The following PLCE1 variants were observed in gnomAD, a reference collection of about 807,000 sequenced individuals.
The protein encoded by PLCE1 is 1-phosphatidylinositol 4,5-bisphosphate phosphodiesterase epsilon-1.
A neutral mutation model predicts 242.8 loss-of-function variants in PLCE1; 119 were observed. The observed-to-expected ratio is 0.49, with a 90% CI of 0.42 to 0.57. PLCE1 has a LOEUF of 0.57. PLCE1 is among the 20% of genes least tolerant of loss of function. The pLI is 0.00. For synonymous variants in PLCE1, 945 were observed against 1,017.4 expected (o/e 0.93, Z 1.35); for missense variants, 2,441 against 2,788.8 (o/e 0.88, Z 2.81).
Position 94,118,138 on chromosome 10 carries a change from T to C in PLCE1, c.1207-14036T>C, listed in dbSNP as rs150564528. Among the ~76,000 whole-genome samples the C allele has an allele frequency of 9.7e-4, 147 of 152,252 alleles. No individual in the cohort carries two copies. In the Middle Eastern group the frequency reaches 0.01, roughly 11 times the overall value. On this transcript the variant is annotated intron_variant, in intron 2 of 32. Coordinates refer to ENST00000371380, the MANE Select transcript of PLCE1 (RefSeq NM_016341.4). Reference sequence around the variant, plus strand: ...TTGTTAACTTTAAAAGAAGTTACAATTTTTTTAAACTTAAGTTTTTAACCT... The same window carrying C: ...TTGTTAACTTTAAAAGAAGTTACAACTTTTTTAAACTTAAGTTTTTAACCT...
At chr10:94,322,883 GA>G (rs2053871911) in intron 30 of PLCE1, among the ~76,000 whole-genome samples, 1 of 152,152 alleles carries the variant, frequency 6.6e-6, no homozygotes, top group Non-Finnish European at 1.5e-5. Flanking sequence ...TTGAGCCTGG[GA>G]GGCAGAGGTT....
intron 2 of PLCE1, chr10:94,108,739 C>T (rs1483453605): frequency 6.6e-6 from 1 of 152,302 alleles, no homozygotes; most frequent in East Asian, 1.9e-4. Context: ...CCAGTAATCC[C>T]CAACCCTGAC....
At chr10:94,283,485 A>G (rs2052322991) in intron 20 of PLCE1, 1 of 344,064 alleles carries the variant, frequency 2.9e-6, no homozygotes, top group African/African-American at 2.1e-5. Flanking sequence ...AGTTCCAATC[A>G]TCTGTATGAA....
Position 94,259,074 on chromosome 10 carries a change from A to G in PLCE1, c.3738A>G (p.Arg1246=), listed in dbSNP as rs774389849. ...ATGTCTATGCAGTGCCCTGCAACCG[A>G]TCTGGCTCCGAGTCAGCCCCACTCT... ...LFDVYAVPCN[R]SGSESAPLYT... is the part of the protein sequence containing the mutation. Residue 1246 remains arginine, a synonymous_variant, in exon 13 of 33, where the codon CGA becomes CGG. Transcript: ENST00000371380. 1.2e-5 allele frequency: 20 copies of G among 1,613,882 alleles called. No homozygotes were observed. Among genetic ancestry groups the G allele is most frequent in the Admixed American group, 1.2e-4 (7 of 59,978 alleles).
chr10:94,045,965 TAAA>T (rs59988453), intron 2 of PLCE1, among the ~76,000 whole-genome samples: 2 of 149,090 alleles, frequency 1.3e-5, no homozygotes. Context: ...CCAGGCGTGG[TAAA>T]AAAAAAAAAA....
chr10:94,095,324 CTT>C (rs2045265831), intron 2 of PLCE1, among the ~76,000 whole-genome samples: 1 of 117,750 alleles, frequency 8.5e-6, no homozygotes, highest in South Asian at 2.5e-4. Flanking sequence ...CTTTCAATTT[CTT>C]TCTTTCTTTC....
Position 94,285,297 on chromosome 10 carries a change from C to T in PLCE1, c.5035+332C>T, listed in dbSNP as rs10882416. On this transcript the variant is annotated intron_variant, in intron 22 of 32. Transcript: ENST00000371380. ...GCTATTTTACGTACATCTCCTTTAC[C>T]GTTCATAATGATTCTACAAGGTAGG... Among the ~76,000 whole-genome samples the T allele has an allele frequency of 0.31, 47,803 of 151,838 alleles. 7,832 individuals are homozygous for T. Among genetic ancestry groups the T allele is most frequent in the Middle Eastern group, 0.48 (141 of 292 alleles).
chr10:94,184,361 C>T (rs2689696), intron 4 of PLCE1, among the ~76,000 whole-genome samples: 152,176 of 152,356 alleles, frequency 1, 75,998 homozygotes, highest in Non-Finnish European at 1. Flanking sequence ...GGAGTTTTGC[C>T]CTTGTTGCCC....
intron 4 of PLCE1, among the ~76,000 whole-genome samples, chr10:94,179,460 C>T (rs1174637698): frequency 6.6e-6 from 1 of 151,596 alleles, no homozygotes; most frequent in Non-Finnish European, 1.5e-5. Context: ...GCTGTGCAAC[C>T]TCAAGCCAGA....
rs567470831 is a variant in PLCE1, at chr10:94,316,529, C to T, written c.6133-18C>T. Reference sequence around the variant, plus strand: ...AGTTTTTGCCTCACTCCTCAGTTTGCCTTCACTTTTTCTTTAGATTCTGAC... The same window carrying T: ...AGTTTTTGCCTCACTCCTCAGTTTGTCTTCACTTTTTCTTTAGATTCTGAC... On this transcript the variant is annotated intron_variant, in intron 28 of 32. Coordinates refer to ENST00000371380, the MANE Select transcript of PLCE1 (RefSeq NM_016341.4). 1.9e-6 allele frequency: 3 copies of T among 1,558,732 alleles called. No individual in the cohort carries two copies. The highest frequency in any genetic ancestry group is 1.7e-5 in the Admixed American group (1 of 59,912).
chr10:94,078,146 T>C (rs1457783881), intron 2 of PLCE1, among the ~76,000 whole-genome samples: 1 of 152,250 alleles, frequency 6.6e-6, no homozygotes, highest in African/African-American at 2.4e-5. Flanking sequence ...ATATGGCACC[T>C]TATTGACTTT....
chr10:94,270,805 G>T (rs1157351316), intron 18 of PLCE1, among the ~76,000 whole-genome samples: 1 of 152,132 alleles, frequency 6.6e-6, no homozygotes, highest in East Asian at 1.9e-4. Flanking sequence ...GAGTAGCTGG[G>T]ATTACCAGCA....
chr10:94,230,887 G>A (rs970232236), intron 5 of PLCE1, among the ~76,000 whole-genome samples: 3 of 152,186 alleles, frequency 2.0e-5, no homozygotes, highest in Non-Finnish European at 4.4e-5. Context: ...TGGGATTACA[G>A]GCATGAGCCA....
At chr10:94,195,222 C>G (rs886919934) in intron 4 of PLCE1, among the ~76,000 whole-genome samples, 4 of 152,104 alleles carry the variant, frequency 2.6e-5, no homozygotes, top group Non-Finnish European at 5.9e-5. Flanking sequence ...CATGTTCTCC[C>G]CTCCTCTAGC....
intron 3 of PLCE1, among the ~76,000 whole-genome samples, chr10:94,144,369 A>C (rs2047055437): frequency 6.6e-6 from 1 of 152,040 alleles, no homozygotes; most frequent in Non-Finnish European, 1.5e-5. Context: ...ATTTGAATGG[A>C]GGTTCATTTG....
In PLCE1 at chr10:94,246,364, G is replaced by A. The variant is rs2050679175; in HGVS notation, c.2839G>A (p.Gly947Ser). 1.9e-6 allele frequency: 3 copies of A among 1,614,134 alleles called. No homozygotes were observed. The highest frequency in any genetic ancestry group is 2.5e-6 in the Non-Finnish European group (3 of 1,180,006). The change falls in exon 8 of 33, where the codon GGC becomes AGC. Residue 947 changes from glycine to serine, a missense_variant. Around this residue, in one of 5 missense-constraint regions of PLCE1, gnomAD observed 733 missense variants for 754.2 expected, o/e 0.97. Coordinates refer to ENST00000371380, the MANE Select transcript of PLCE1 (RefSeq NM_016341.4). ...TTTTGCAGTGAAGGCTGTATACATGGGCCACCCTGGCATTGATATACACAC... is the reference window on the plus strand; with the variant it reads ...TTTTGCAGTGAAGGCTGTATACATGAGCCACCCTGGCATTGATATACACAC... ...DLFAVKAVYM[G>S]HPGIDIHTVC...
intron 14 of PLCE1, among the ~76,000 whole-genome samples, chr10:94,264,629 C>T (rs371980402): frequency 5.9e-4 from 84 of 141,792 alleles, no homozygotes; most frequent in African/African-American, 2.1e-3. Flanking sequence ...TCAAGCAATT[C>T]TCCTGCCTCA....
chr10:94,112,073 C>T (rs1197208404), intron 2 of PLCE1, among the ~76,000 whole-genome samples: 1 of 152,174 alleles, frequency 6.6e-6, no homozygotes, highest in African/African-American at 2.4e-5. Context: ...TAGAGGTCAT[C>T]TATAAAGTTT....
At chr10:93,999,114 G>A (rs1263358270) in intron 1 of PLCE1, among the ~76,000 whole-genome samples, 3 of 152,214 alleles carry the variant, frequency 2.0e-5, no homozygotes, top group Non-Finnish European at 4.4e-5. Flanking sequence ...TGCAGCAGCT[G>A]TAGGAAACTA....
Sources: allele counts gnomAD v4.1 joint callset (sites outside exome capture counted in the v4.1 genomes callset), GRCh38; gene constraint gnomAD v4.1.1; regional missense constraint gnomAD v4.1.1; transcripts MANE v1.5; gene names NCBI Gene and HGNC (gene_info 2026-07-23, HGNC 2026-07-21).